FMO1: variants seen among roughly 807,000 people sequenced by gnomAD.
FMO1 encodes flavin containing dimethylaniline monoxygenase 1, also known as flavin-containing monooxygenase 1.
A neutral mutation model predicts 45.4 loss-of-function variants in FMO1; 36 were observed. The observed-to-expected ratio is 0.79, with a 90% CI of 0.61 to 1.05. The LOEUF (loss-of-function observed/expected upper bound fraction) is 1.05. Among genes scored for constraint, FMO1 ranks in the 50% least tolerant of loss-of-function variants. FMO1 has a pLI of 0.00. For missense variants in FMO1, 615 were observed against 640.3 expected, an observed-to-expected ratio of 0.96 and a Z score of 0.43; for synonymous variants, 228 against 227.2, an observed-to-expected ratio of 1.00 and a Z score of -0.03.
intron 1 of FMO1, among the ~76,000 whole-genome samples, chr1:171,249,280 C>T (rs923493982): frequency 6.6e-6 from 1 of 152,116 alleles, no homozygotes; most frequent in African/African-American, 2.4e-5. Context: ...TTTAGATATT[C>T]AGGTCTATGC....
At chr1:171,278,954 G>A (rs1219857215) in intron 5 of FMO1, 83 bp downstream of exon 5, 18 of 1,083,620 alleles carry the variant, frequency 1.7e-5, no homozygotes, top group East Asian at 1.6e-4. Context: ...CATGATAAAT[G>A]TTAAAGGAAT....
At chr1:171,257,182 T>A (rs1211899001) in intron 1 of FMO1, among the ~76,000 whole-genome samples, 3 of 152,176 alleles carry the variant, frequency 2.0e-5, no homozygotes, top group Non-Finnish European at 2.9e-5. Flanking sequence ...GGTTAATCTG[T>A]CCAAGATTAC....
At chr1:171,282,382 T>C (rs749931241) in intron 7 of FMO1, 49 bp downstream of exon 7, 1 of 1,220,402 alleles carries the variant, frequency 8.2e-7, no homozygotes, top group Non-Finnish European at 1.2e-6. Context: ...GCCATGTGAT[T>C]CTGGATACTG....
intron 3 of FMO1, among the ~76,000 whole-genome samples, chr1:171,272,007 C>T (rs1167944529): frequency 6.6e-6 from 1 of 152,240 alleles, no homozygotes; most frequent in Non-Finnish European, 1.5e-5. Flanking sequence ...CAGAGGTGTT[C>T]ACCACAGCCC....
intron 3 of FMO1, among the ~76,000 whole-genome samples, chr1:171,273,809 T>TG (rs1330184605): frequency 6.6e-6 from 1 of 152,170 alleles, no homozygotes; most frequent in East Asian, 1.9e-4. Context: ...GAGCCACTGT[T>TG]GCCAGGCACA....
chr1:171,251,583 C>T (rs1025871888), intron 1 of FMO1: 1 of 151,272 alleles, frequency 6.6e-6, no homozygotes, highest in Non-Finnish European at 1.5e-5. Context: ...GTTCCTCACA[C>T]AGCGCCTCAC....
chr1:171,270,915 G>C (rs1427512117), intron 3 of FMO1: 1 of 754,816 alleles, frequency 1.3e-6, no homozygotes. Context: ...AGGGTTAAAT[G>C]CTTTATAGAC....
At chr1:171,267,794 C>A in intron 3 of FMO1, 63 bp downstream of exon 3, 1 of 1,282,182 alleles carries the variant, frequency 7.8e-7, no homozygotes, top group Non-Finnish European at 1.1e-6. Flanking sequence ...TCTTATCTCT[C>A]CAGCCTAGCC....
intron 2 of FMO1, among the ~76,000 whole-genome samples, chr1:171,262,327 C>A (rs1660411857): frequency 6.6e-6 from 1 of 152,126 alleles, no homozygotes; most frequent in African/African-American, 2.4e-5. Flanking sequence ...CCCAGCTACC[C>A]AGTCTTCAGG....
At chr1:171,278,901 C>G in intron 5 of FMO1, 30 bp downstream of exon 5, 1 of 1,553,478 alleles carries the variant, frequency 6.4e-7, no homozygotes, top group East Asian at 2.3e-5. Context: ...GGGTGAAGAG[C>G]TTTATCTTAA....
chr1:171,258,344 G>T (rs1392927286), intron 2 of FMO1, 125 bp downstream of exon 2: 2 of 1,163,710 alleles, frequency 1.7e-6, no homozygotes, highest in Non-Finnish European at 2.5e-6. Context: ...CTGCTGAACA[G>T]GGGACCATGA....
intron 4 of FMO1, among the ~76,000 whole-genome samples, chr1:171,278,160 C>A (rs1293707803): frequency 6.6e-6 from 1 of 152,118 alleles, no homozygotes; most frequent in Non-Finnish European, 1.5e-5. Flanking sequence ...CTGGCCAACC[C>A]AGCAAACTCA....
At chr1:171,271,705 T>A (rs888408756) in intron 3 of FMO1, 1 of 583,918 alleles carries the variant, frequency 1.7e-6, no homozygotes, top group Non-Finnish European at 3.0e-6. Context: ...GTTCTAGCAA[T>A]GAGACTGGAG....
chr1:171,265,566 A>C (rs1183884655), intron 2 of FMO1, among the ~76,000 whole-genome samples: 1 of 152,218 alleles, frequency 6.6e-6, no homozygotes, highest in East Asian at 1.9e-4. Flanking sequence ...AATTACAAAA[A>C]ATGAACACAT....
intron 1 of FMO1, among the ~76,000 whole-genome samples, chr1:171,250,233 AC>A (rs1394010452): frequency 9.9e-5 from 15 of 152,172 alleles, no homozygotes; most frequent in Non-Finnish European, 1.9e-4. Flanking sequence ...TCAGACATGA[AC>A]CCTTCATTTC....
intron 6 of FMO1, 70 bp from the exon 7 acceptor site, chr1:171,281,908 G>A: frequency 1.2e-6 from 1 of 842,206 alleles, no homozygotes; most frequent in Non-Finnish European, 1.8e-6. Context: ...GAGAGAGGGA[G>A]GTAAAGAGAA....
At chr1:171,253,559 C>T (rs765907580) in intron 1 of FMO1, among the ~76,000 whole-genome samples, 15 of 152,028 alleles carry the variant, frequency 9.9e-5, no homozygotes, top group Admixed American at 3.3e-4. Context: ...GTCGGGAGTT[C>T]GAGACCAGCC....
chr1:171,256,761 CA>C (rs1008049213), intron 1 of FMO1, among the ~76,000 whole-genome samples: 4 of 151,704 alleles, frequency 2.6e-5, no homozygotes, highest in East Asian at 3.9e-4. Flanking sequence ...TAATCCAAAA[CA>C]AAAAAAGATG....
chr1:171,265,195 C>T (rs983461985), intron 2 of FMO1, among the ~76,000 whole-genome samples: 1 of 151,908 alleles, frequency 6.6e-6, no homozygotes, highest in African/African-American at 2.4e-5. Context: ...TTGAGACCAT[C>T]CTGGCTAACA....
Sources: allele counts gnomAD v4.1 joint callset (sites outside exome capture counted in the v4.1 genomes callset), GRCh38; gene constraint gnomAD v4.1.1; transcripts MANE v1.5; gene names NCBI Gene and HGNC (gene_info 2026-07-23, HGNC 2026-07-21).